LRRC37A: variants seen among roughly 807,000 people sequenced by gnomAD.
LRRC37A encodes the protein leucine-rich repeat-containing protein 37A.
In LRRC37A, 3 loss-of-function variants were observed where a neutral mutation model predicts 35.4. The observed-to-expected ratio is 0.08, with a 90% CI of 0.04 to 0.22. LRRC37A has a LOEUF of 0.22. Ranked by LOEUF, LRRC37A falls within the 10% of genes least tolerant of loss-of-function variation. The pLI is 1.00. For synonymous variants in LRRC37A, 23 were observed against 215.0 expected (o/e 0.11, Z 7.81); for missense variants, 67 against 565.3 (o/e 0.12, Z 8.94).
the LRRC37A span, chr17:46,260,308 A>C: frequency 9.9e-6 from 15 of 1,511,602 alleles, no homozygotes; most frequent in Non-Finnish European, 1.3e-5. Flanking sequence ...CGCGAGCTGC[A>C]GCGGGCATAT....
chr17:46,286,689 A>G, the LRRC37A span, among the ~76,000 whole-genome samples: 1 of 152,284 alleles, frequency 6.6e-6, no homozygotes, highest in Non-Finnish European at 1.5e-5. Flanking sequence ...ATGTAAGTGT[A>G]TAACAAATGT....
At chr17:46,278,747 A>T in the LRRC37A span, among the ~76,000 whole-genome samples, 1 of 152,150 alleles carries the variant, frequency 6.6e-6, no homozygotes, top group African/African-American at 2.4e-5. Context: ...ATATCATTCC[A>T]TGCTTTGTCT....
At chr17:46,277,918 G>A in the LRRC37A span, among the ~76,000 whole-genome samples, 17,100 of 149,654 alleles carry the variant, frequency 0.11, no homozygotes, top group Non-Finnish European at 0.17. Flanking sequence ...CTAGGATTAC[G>A]GACATGAGCC....
the LRRC37A span, among the ~76,000 whole-genome samples, chr17:46,267,816 C>T: frequency 3.3e-4 from 50 of 150,056 alleles, no homozygotes; most frequent in Admixed American, 8.6e-4. Flanking sequence ...AGGGACTGTA[C>T]AGAACTGAGT....
chr17:46,267,303 A>C, the LRRC37A span: 1 of 1,358,208 alleles, frequency 7.4e-7, no homozygotes, highest in Non-Finnish European at 9.9e-7. Context: ...TGGGGTTCCC[A>C]AACTGTTTTT....
At position 46,324,870 on chromosome 17, in the gene LRRC37A, G is replaced by T. The variant is rs1467604106; in HGVS notation, c.3053+1843G>T. Among the ~76,000 whole-genome samples, 3 of 75,308 alleles carry T rather than the reference G, an allele frequency of 4.0e-5. 1 individual carries two copies. Among genetic ancestry groups the T allele is most frequent in the African/African-American group, 1.0e-4 (3 of 29,608 alleles). 49.4% of individuals were successfully genotyped at this position (75,308 alleles called of 152,430 possible). ...TATATATATTTATATATATGTACGT[G>T]TATATATGTATATGTATGCCTGCAG... On this transcript the variant is annotated intron_variant, in intron 7 of 13. Transcript: ENST00000320254.
chr17:46,317,178 G>A (rs2051198457), intron 5 of LRRC37A, among the ~76,000 whole-genome samples: 2 of 86,034 alleles, frequency 2.3e-5, no homozygotes, highest in Non-Finnish European at 3.5e-5. Flanking sequence ...TCACATCCCA[G>A]ACGGGCATGC....
chr17:46,248,170 T>G, the LRRC37A span, among the ~76,000 whole-genome samples: 1 of 151,896 alleles, frequency 6.6e-6, no homozygotes, highest in Non-Finnish European at 1.5e-5. Flanking sequence ...GTAAGTTATT[T>G]TTTTCTTAGA....
the LRRC37A span, among the ~76,000 whole-genome samples, chr17:46,267,769 C>T: frequency 6.6e-6 from 1 of 151,842 alleles, no homozygotes; most frequent in South Asian, 2.1e-4. Context: ...TAGATGTTGA[C>T]AAATGGAGTG....
chr17:46,287,445 A>G, the LRRC37A span, among the ~76,000 whole-genome samples: 1 of 152,266 alleles, frequency 6.6e-6, no homozygotes, highest in South Asian at 2.1e-4. Flanking sequence ...GCAAACACCA[A>G]GTAGAAGTTA....
the LRRC37A span, among the ~76,000 whole-genome samples, chr17:46,250,326 G>A: frequency 6.6e-6 from 1 of 152,348 alleles, no homozygotes; most frequent in South Asian, 2.1e-4. Context: ...CAGGCTCAGT[G>A]TGATGGTTAA....
chr17:46,281,474 T>G, the LRRC37A span, among the ~76,000 whole-genome samples: 1 of 152,016 alleles, frequency 6.6e-6, no homozygotes, highest in Non-Finnish European at 1.5e-5. Context: ...ACTGCAGCCT[T>G]GAACTCCTGG....
At chr17:46,271,268 T>C in the LRRC37A span, among the ~76,000 whole-genome samples, 18,467 of 151,058 alleles carry the variant, frequency 0.12, no homozygotes, top group Non-Finnish European at 0.18. Context: ...TGGGTTCAAG[T>C]GATTCTCCTG....
chr17:46,279,500 CTTTTT>C, the LRRC37A span, among the ~76,000 whole-genome samples: 1 of 122,464 alleles, frequency 8.2e-6, no homozygotes, highest in Non-Finnish European at 1.6e-5. Context: ...TTCTTTCTTT[CTTTTT>C]TTTTTTTTTT....
the LRRC37A span, among the ~76,000 whole-genome samples, chr17:46,284,157 C>A: frequency 0.12 from 18,451 of 151,874 alleles, no homozygotes; most frequent in Non-Finnish European, 0.18. Flanking sequence ...TCAGCACAGA[C>A]CCTTTAAGGG....
the LRRC37A span, among the ~76,000 whole-genome samples, chr17:46,256,893 G>A: frequency 6.6e-6 from 1 of 152,186 alleles, no homozygotes; most frequent in Non-Finnish European, 1.5e-5. Flanking sequence ...GGTGAAGAAG[G>A]CGGCTATGAT....
chr17:46,325,593 A>C (rs1214152099), intron 7 of LRRC37A, among the ~76,000 whole-genome samples: 1 of 81,692 alleles, frequency 1.2e-5, no homozygotes, highest in Admixed American at 1.3e-4. Flanking sequence ...TTGGATTCTG[A>C]ATTTTTTAAG....
the LRRC37A span, among the ~76,000 whole-genome samples, chr17:46,258,120 T>A: frequency 6.6e-6 from 1 of 152,124 alleles, no homozygotes; most frequent in South Asian, 2.1e-4. Flanking sequence ...TGCTTGAATG[T>A]CCTCCCCACA....
the LRRC37A span, chr17:46,259,724 C>T: frequency 6.3e-7 from 1 of 1,582,610 alleles, no homozygotes; most frequent in African/African-American, 1.4e-5. Context: ...ACCGGATGCC[C>T]AGGAATCACC....
Sources: gnomAD v4.1 joint callset for allele counts (sites outside exome capture counted in the v4.1 genomes callset) on GRCh38, gnomAD v4.1.1 for gene constraint, MANE v1.5 for transcripts, NCBI Gene and HGNC (gene_info 2026-07-23, HGNC 2026-07-21) for gene names.